CAMK1D: variants seen among roughly 807,000 people sequenced by gnomAD.
CAMK1D encodes calcium/calmodulin dependent protein kinase ID.
A neutral mutation model predicts 47.7 loss-of-function variants in CAMK1D; 9 were observed. The ratio of observed to expected loss-of-function variants is 0.19; its 90% CI spans 0.11 to 0.33. The LOEUF is 0.33. CAMK1D is among the 10% of genes least tolerant of loss of function. The pLI is 1.00. For missense variants in CAMK1D, 291 were observed against 488.7 expected (o/e 0.60, Z 3.81); for synonymous variants, 184 against 184.9 (o/e 0.99, Z 0.04).
chr10:12,492,897 G>A (rs1455868750), intron 1 of CAMK1D, among the ~76,000 whole-genome samples: 1 of 152,138 alleles, frequency 6.6e-6, no homozygotes, highest in Non-Finnish European at 1.5e-5. Flanking sequence ...GTATAGGATT[G>A]TTCATCTTTG....
At chr10:12,475,797 G>T (rs1178909560) in intron 1 of CAMK1D, among the ~76,000 whole-genome samples, 5 of 152,152 alleles carry the variant, frequency 3.3e-5, no homozygotes, top group Non-Finnish European at 5.9e-5. Flanking sequence ...CTGTGTTCTA[G>T]AACTGGTTCT....
intron 2 of CAMK1D, among the ~76,000 whole-genome samples, chr10:12,627,062 C>T (rs1164153194): frequency 6.7e-6 from 1 of 150,156 alleles, no homozygotes; most frequent in East Asian, 1.9e-4. Context: ...ATTGTAATGA[C>T]CTCTTATGGG....
At chr10:12,562,094 C>T (rs1836962610) in intron 2 of CAMK1D, among the ~76,000 whole-genome samples, 1 of 152,154 alleles carries the variant, frequency 6.6e-6, no homozygotes, top group Non-Finnish European at 1.5e-5. Flanking sequence ...ACAAAGGAAA[C>T]AGGGTTCTTT....
chr10:12,433,449 C>T (rs1832545319), intron 1 of CAMK1D, among the ~76,000 whole-genome samples: 1 of 151,982 alleles, frequency 6.6e-6, no homozygotes, highest in Non-Finnish European at 1.5e-5. Context: ...ACAGTCTAGG[C>T]TTCCTTAGAG....
At chr10:12,728,825 A>G (rs1372271518) in intron 3 of CAMK1D, among the ~76,000 whole-genome samples, 2 of 152,098 alleles carry the variant, frequency 1.3e-5, no homozygotes, top group Admixed American at 6.5e-5. Context: ...GTGTGTGTGT[A>G]TGTGTGCGCA....
At chr10:12,651,741 A>G (rs1259251597) in intron 2 of CAMK1D, among the ~76,000 whole-genome samples, 2 of 151,628 alleles carry the variant, frequency 1.3e-5, no homozygotes, top group African/African-American at 4.9e-5. Context: ...AAAGAGGCCA[A>G]AGATTTAGGA....
At chr10:12,567,039 A>T (rs1260605846) in intron 2 of CAMK1D, among the ~76,000 whole-genome samples, 1 of 152,134 alleles carries the variant, frequency 6.6e-6, no homozygotes, top group Admixed American at 6.5e-5. Flanking sequence ...TAAACATTGG[A>T]GAGGCTTTGC....
At chr10:12,580,338 CT>C (rs5783277) in intron 2 of CAMK1D, among the ~76,000 whole-genome samples, 31,863 of 120,512 alleles carry the variant, frequency 0.26, 4,296 homozygotes, top group Middle Eastern at 0.32. Context: ...CCCTTCCTTC[CT>C]TTTTTTTTTT....
At chr10:12,436,769 A>G (rs553634318) in intron 1 of CAMK1D, among the ~76,000 whole-genome samples, 3 of 152,280 alleles carry the variant, frequency 2.0e-5, no homozygotes, top group East Asian at 1.9e-4. Flanking sequence ...GACAGGATCT[A>G]TGGTATTTTT....
chr10:12,631,611 G>A (rs1839380508), intron 2 of CAMK1D, among the ~76,000 whole-genome samples: 1 of 152,030 alleles, frequency 6.6e-6, no homozygotes, highest in South Asian at 2.1e-4. Flanking sequence ...CTCGTGGCTG[G>A]ACAGCTATTG....
chr10:12,633,269 A>C (rs1839429730), intron 2 of CAMK1D, among the ~76,000 whole-genome samples: 1 of 152,212 alleles, frequency 6.6e-6, no homozygotes, highest in African/African-American at 2.4e-5. Context: ...AGGATGCATT[A>C]GTGGTCCCAT....
chr10:12,818,667 T>TC (rs1359799854), intron 8 of CAMK1D, among the ~76,000 whole-genome samples: 17 of 127,658 alleles, frequency 1.3e-4, no homozygotes, highest in Admixed American at 2.3e-4. Context: ...CGAGACTCTG[T>TC]CCCAAAAAAA....
intron 1 of CAMK1D, among the ~76,000 whole-genome samples, chr10:12,393,454 A>C (rs1175547370): frequency 6.6e-6 from 1 of 152,186 alleles, no homozygotes; most frequent in Non-Finnish European, 1.5e-5. Flanking sequence ...ATGGGTGAAA[A>C]GAATGGAAAA....
At chr10:12,553,113 T>TA (rs1836640872) in intron 1 of CAMK1D, 112 bp from the exon 2 acceptor site, 1 of 1,567,420 alleles carries the variant, frequency 6.4e-7, no homozygotes, top group Non-Finnish European at 8.6e-7. Flanking sequence ...CAGTAATGCT[T>TA]ACAACTGTGC....
At chr10:12,671,902 C>T (rs6602606) in intron 3 of CAMK1D, among the ~76,000 whole-genome samples, 49,953 of 145,780 alleles carry the variant, frequency 0.34, 8,699 homozygotes, top group Middle Eastern at 0.43. Flanking sequence ...AAGAAGTTAT[C>T]ACCTAATTCT....
intron 2 of CAMK1D, chr10:12,653,216 C>T (rs1234557427): frequency 6.5e-6 from 1 of 154,248 alleles, no homozygotes; most frequent in African/African-American, 2.4e-5. Context: ...CCCATTAATC[C>T]ACAAATGGGT....
intron 1 of CAMK1D, among the ~76,000 whole-genome samples, chr10:12,407,882 GAC>G (rs1394301991): frequency 7.7e-6 from 1 of 129,398 alleles, no homozygotes; most frequent in African/African-American, 3.0e-5. Flanking sequence ...TTTTGAGAGA[GAC>G]TCTCACTCTG....
chr10:12,601,060 T>C (rs1838286251), intron 2 of CAMK1D, among the ~76,000 whole-genome samples: 1 of 152,220 alleles, frequency 6.6e-6, no homozygotes, highest in Admixed American at 6.5e-5. Context: ...ATTCCCTATC[T>C]TTGCAATTGT....
intron 2 of CAMK1D, among the ~76,000 whole-genome samples, chr10:12,653,387 G>A (rs1253684409): frequency 6.6e-6 from 1 of 152,164 alleles, no homozygotes; most frequent in African/African-American, 2.4e-5. Flanking sequence ...CACTGATAGA[G>A]ATGATCAGAA....
Sources: allele counts gnomAD v4.1 joint callset (sites outside exome capture counted in the v4.1 genomes callset), GRCh38; gene constraint gnomAD v4.1.1; transcripts MANE v1.5; gene names NCBI Gene and HGNC (gene_info 2026-07-23, HGNC 2026-07-21).